ARHGAP44: variants seen among roughly 807,000 people sequenced by gnomAD.
ARHGAP44 encodes the protein rho GTPase-activating protein 44.
Under a neutral mutation model 106.8 loss-of-function variants are expected in ARHGAP44, and 43 were observed. The observed-to-expected ratio is 0.40, with a 90% CI of 0.32 to 0.52. ARHGAP44 has a LOEUF of 0.52. ARHGAP44 is among the 20% of genes least tolerant of loss of function. The probability of loss-of-function intolerance (pLI) is 0.48; values close to 1 mark genes in which losing one functional copy is unlikely to be tolerated. For synonymous variants in ARHGAP44, 439 were observed against 410.3 expected (o/e 1.07, Z -0.85); for missense variants, 866 against 1,050.5 (o/e 0.82, Z 2.43).
chr17:12,939,796 T>C (rs1598088653), intron 7 of ARHGAP44, among the ~76,000 whole-genome samples: 1 of 152,318 alleles, frequency 6.6e-6, no homozygotes, highest in East Asian at 1.9e-4. Flanking sequence ...ACTCTTTCTT[T>C]ATTCTGTGAA....
Position 12,896,491 on chromosome 17 carries a change from G to T in ARHGAP44, c.178G>T (p.Ala60Ser). The change falls in exon 3 of 21, where the codon GCA (alanine) becomes TCA (serine). Residue 60 changes from alanine to serine, a missense_variant. Transcript: ENST00000379672. ...LTACLQGQQG[A>S]EADKRSKKLP... is the part of the protein sequence containing the mutation. ...CGCATGTCTGCAGGGCCAGCAAGGG[G>T]CAGAGGCTGACAAGCGCTCCGTAAG... 6.2e-7 allele frequency: 1 copy of T among 1,606,576 alleles called. No homozygotes were observed. The highest frequency in any genetic ancestry group is 8.5e-7 in the Non-Finnish European group (1 of 1,176,914).
chr17:12,840,341 C>G (rs1160566778), intron 1 of ARHGAP44, among the ~76,000 whole-genome samples: 2 of 152,150 alleles, frequency 1.3e-5, no homozygotes, highest in Non-Finnish European at 2.9e-5. Context: ...AATGCTTCTG[C>G]CATGTCTTGG....
intron 6 of ARHGAP44, among the ~76,000 whole-genome samples, chr17:12,921,264 G>A (rs2038077056): frequency 1.3e-5 from 2 of 151,908 alleles, no homozygotes; most frequent in African/African-American, 2.4e-5. Context: ...ACAGGGTTCC[G>A]CCACGTTGGC....
chr17:12,905,813 A>T (rs1392373047), intron 3 of ARHGAP44, among the ~76,000 whole-genome samples: 3 of 152,184 alleles, frequency 2.0e-5, no homozygotes, highest in Non-Finnish European at 4.4e-5. Context: ...TTTATCACAA[A>T]CCAGAATGGT....
intron 4 of ARHGAP44, among the ~76,000 whole-genome samples, chr17:12,911,572 G>A (rs778326385): frequency 4.6e-5 from 7 of 152,154 alleles, no homozygotes; most frequent in Non-Finnish European, 7.3e-5. Flanking sequence ...GGTGGAGTGG[G>A]TGATTAAACT....
intron 1 of ARHGAP44, among the ~76,000 whole-genome samples, chr17:12,797,903 G>A (rs9910443): frequency 0.3 from 46,164 of 151,910 alleles, 10,017 homozygotes; most frequent in African/African-American, 0.61. Context: ...TTTTGCTCCT[G>A]TACAATTTTG....
chr17:12,963,747 C>G (rs2039324425), intron 16 of ARHGAP44, among the ~76,000 whole-genome samples: 1 of 132,884 alleles, frequency 7.5e-6, no homozygotes, highest in African/African-American at 2.7e-5. Flanking sequence ...CCTGCCAGAA[C>G]TCTAGATTGG....
At chr17:12,880,554 G>C (rs1021325424) in intron 1 of ARHGAP44, among the ~76,000 whole-genome samples, 1 of 151,804 alleles carries the variant, frequency 6.6e-6, no homozygotes, top group Non-Finnish European at 1.5e-5. Flanking sequence ...CACTCATGTT[G>C]TTTGGGTAAA....
At chr17:12,801,279 G>A (rs1194539741) in intron 1 of ARHGAP44, among the ~76,000 whole-genome samples, 1 of 152,238 alleles carries the variant, frequency 6.6e-6, no homozygotes, top group Non-Finnish European at 1.5e-5. Flanking sequence ...ACACTGGCTT[G>A]GTTTTCCTAG....
chr17:12,946,799 T>TAAAA (rs3076674), intron 10 of ARHGAP44, among the ~76,000 whole-genome samples: 4,087 of 147,968 alleles, frequency 0.028, 179 homozygotes, highest in African/African-American at 0.092. Context: ...AGACTCTATC[T>TAAAA]AAAAAAAAAA....
chr17:12,846,051 T>C, intron 1 of ARHGAP44, among the ~76,000 whole-genome samples: 1 of 123,946 alleles, frequency 8.1e-6, no homozygotes, highest in South Asian at 2.3e-4. Flanking sequence ...AAACTCTGTT[T>C]TTCACCGTTA....
At chr17:12,810,947 A>G (rs2034420597) in intron 1 of ARHGAP44, among the ~76,000 whole-genome samples, 1 of 152,152 alleles carries the variant, frequency 6.6e-6, no homozygotes, top group Non-Finnish European at 1.5e-5. Flanking sequence ...CAGTTAGCAC[A>G]TATTTTATAT....
intron 7 of ARHGAP44, among the ~76,000 whole-genome samples, chr17:12,935,252 A>C (rs893161720): frequency 1.3e-5 from 2 of 152,218 alleles, no homozygotes; most frequent in East Asian, 3.8e-4. Flanking sequence ...AATTTCAGAC[A>C]ACATGTCTTG....
In ARHGAP44 at chr17:12,977,836, G is replaced by A. The variant is rs533637950; in HGVS notation, c.1764-2222G>A. On this transcript the variant is annotated intron_variant, in intron 18 of 20. Transcript: ENST00000379672. ...GGGTGGATCCTGAGGTCAGGAGATC[G>A]AGGCCATCCTGGCCAACATGGTGAA... Among the ~76,000 whole-genome samples the A allele has an allele frequency of 4.6e-5, 7 of 152,106 alleles. No homozygotes were observed. In the South Asian group the frequency reaches 1.0e-3, roughly 23 times the overall value.
At chr17:12,965,857 A>T (rs926291937) in intron 16 of ARHGAP44, among the ~76,000 whole-genome samples, 3 of 152,146 alleles carry the variant, frequency 2.0e-5, no homozygotes, top group Admixed American at 6.5e-5. Context: ...TGAACAGCAC[A>T]TTAAAATCCC....
chr17:12,904,323 G>A (rs2037482939), intron 3 of ARHGAP44, among the ~76,000 whole-genome samples: 1 of 152,162 alleles, frequency 6.6e-6, no homozygotes, highest in Non-Finnish European at 1.5e-5. Context: ...AGCCAGGATG[G>A]TCTCAATCTC....
At chr17:12,940,411 G>C (rs1365352383) in intron 7 of ARHGAP44, among the ~76,000 whole-genome samples, 1 of 152,186 alleles carries the variant, frequency 6.6e-6, no homozygotes, top group South Asian at 2.1e-4. Flanking sequence ...AAACATTCCA[G>C]ATTTCAATGC....
chr17:12,900,892 G>A (rs573048175), intron 3 of ARHGAP44, among the ~76,000 whole-genome samples: 5 of 148,526 alleles, frequency 3.4e-5, no homozygotes, highest in Admixed American at 1.4e-4. Context: ...GCCAGGTTCC[G>A]AGAGACAGGA....
rs577202847 is a variant in ARHGAP44, at chr17:12,920,700, G to A, written c.464+869G>A. On this transcript the variant is annotated intron_variant, in intron 6 of 20. Transcript: ENST00000379672. Reference sequence around the variant, plus strand: ...TGTCCTGTCCATTACAGGAAATTTCGCATTTTGGAGACTCACTCACCTTTT... The same window carrying A: ...TGTCCTGTCCATTACAGGAAATTTCACATTTTGGAGACTCACTCACCTTTT... Among the ~76,000 whole-genome samples the A allele has an allele frequency of 9.8e-4, 150 of 152,310 alleles. 1 individual carries two copies. Among genetic ancestry groups the A allele is most frequent in the African/African-American group, 3.5e-3 (144 of 41,576 alleles).
Sources: allele counts gnomAD v4.1 joint callset (sites outside exome capture counted in the v4.1 genomes callset), GRCh38; gene constraint gnomAD v4.1.1; transcripts MANE v1.5; gene names NCBI Gene and HGNC (gene_info 2026-07-23, HGNC 2026-07-21).